SMG6: variants seen among roughly 807,000 people sequenced by gnomAD.
SMG6 encodes the protein telomerase-binding protein EST1A.
In SMG6, 66 loss-of-function variants were observed where a neutral mutation model predicts 142.2. That is an observed-to-expected ratio of 0.46 (90% confidence interval 0.38 to 0.57). The LOEUF (loss-of-function observed/expected upper bound fraction) is 0.57, where lower values mean the gene tolerates loss of function less well. SMG6 is among the 20% of genes least tolerant of loss of function. The pLI is 0.00. For missense variants in SMG6, 1,793 were observed against 1,832.0 expected (o/e 0.98, Z 0.39); for synonymous variants, 779 against 702.4 (o/e 1.11, Z -1.72).
At chr17:2,288,541 G>A (rs756475124) in intron 6 of SMG6, among the ~76,000 whole-genome samples, 7 of 151,132 alleles carry the variant, frequency 4.6e-5, no homozygotes, top group Non-Finnish European at 7.4e-5. Context: ...AGGATCACTT[G>A]AGCCTGGGAG....
In SMG6 at chr17:2,299,992, T is replaced by A. The variant is rs2075240089; in HGVS notation, c.761A>T (p.Tyr254Phe). The change falls in exon 2 of 19, where the codon TAC becomes TTC. Residue 254 changes from tyrosine to phenylalanine, a missense_variant. This residue lies in a region of SMG6 where 1,597 missense variants were observed against 1,584.6 expected (regional missense o/e 1.01). Transcript: ENST00000263073. The surrounding 1 kb of genome is among the most constrained non-coding windows in gnomAD (Gnocchi z 4.3). Reference protein sequence around the residue: ...YSRSDKRRNRYRTRSTSSAGS... With the variant: ...YSRSDKRRNRFRTRSTSSAGS... ...AGCTGAGCTGGTGCTGCGCGTGCGG[T>A]AGCGATTCCTTCGTTTGTCTGAGCG... The A allele has an allele frequency of 6.2e-7, 1 of 1,614,100 alleles. No homozygotes were observed.
intron 10 of SMG6, among the ~76,000 whole-genome samples, chr17:2,231,390 A>G (rs1225701174): frequency 6.6e-6 from 1 of 152,136 alleles, no homozygotes; most frequent in African/African-American, 2.4e-5. Context: ...ATTCAGGATT[A>G]CTAACACCAT....
At chr17:2,268,411 T>A (rs568666816) in intron 8 of SMG6, among the ~76,000 whole-genome samples, 70 of 152,262 alleles carry the variant, frequency 4.6e-4, no homozygotes, top group African/African-American at 1.6e-3. Context: ...CACAGCAGCT[T>A]TCACAGCAGC....
At chr17:2,176,892 A>C (rs1291876154) in intron 12 of SMG6, among the ~76,000 whole-genome samples, 1 of 152,222 alleles carries the variant, frequency 6.6e-6, no homozygotes, top group Non-Finnish European at 1.5e-5. Flanking sequence ...AAAGGAAAAA[A>C]ATAAGAGTTA....
intron 8 of SMG6, among the ~76,000 whole-genome samples, chr17:2,246,827 T>C (rs1189554042): frequency 2.6e-5 from 4 of 152,168 alleles, no homozygotes; most frequent in Non-Finnish European, 5.9e-5. Context: ...GTGCCTGTAA[T>C]GCCAGCTACT....
At chr17:2,263,238 A>T (rs746592401) in intron 8 of SMG6, among the ~76,000 whole-genome samples, 2 of 152,206 alleles carry the variant, frequency 1.3e-5, no homozygotes, top group Non-Finnish European at 2.9e-5. Flanking sequence ...GAAGAAACCC[A>T]TTTTCTACTA....
chr17:2,064,747 CAT>C (rs1287725822), intron 18 of SMG6, among the ~76,000 whole-genome samples: 1 of 151,596 alleles, frequency 6.6e-6, no homozygotes, highest in East Asian at 1.9e-4. Context: ...TACAGTGAAT[CAT>C]AAAGACATTC....
intron 13 of SMG6, among the ~76,000 whole-genome samples, chr17:2,163,692 T>TC (rs2071247605): frequency 6.7e-6 from 1 of 148,978 alleles, no homozygotes; most frequent in Admixed American, 6.7e-5. Context: ...AATACTTCAT[T>TC]TTTTTTTTTT....
rs1356951283 is a variant in SMG6 at position 2,255,345 on chromosome 17, A to C, written c.2662-10626T>G. 3.7e-5 allele frequency among the ~76,000 whole-genome samples: 5 copies of C among 134,118 alleles called. No homozygotes were observed. The South Asian group carries it at 9.7e-4, about 26-fold the overall frequency. 88.0% of individuals were successfully genotyped at this position (134,118 alleles called of 152,430 possible). Reference sequence around the variant, plus strand: ...CGTGAACCCGGGAGGCGGAGCTTGCAGTGAGCCGAGATCGCGCCACTGCAC... The same window carrying C: ...CGTGAACCCGGGAGGCGGAGCTTGCCGTGAGCCGAGATCGCGCCACTGCAC... On this transcript the variant is annotated intron_variant, in intron 8 of 18. Transcript: ENST00000263073.
At chr17:2,287,663 G>A (rs1403462780) in intron 6 of SMG6, among the ~76,000 whole-genome samples, 1 of 151,848 alleles carries the variant, frequency 6.6e-6, no homozygotes, top group Non-Finnish European at 1.5e-5. Context: ...TCCATCAATG[G>A]GTGAACGTAC....
intron 6 of SMG6, among the ~76,000 whole-genome samples, chr17:2,291,685 C>T (rs1212097480): frequency 2.1e-5 from 2 of 94,852 alleles, no homozygotes; most frequent in African/African-American, 6.0e-5. Flanking sequence ...CCAGCCTGGG[C>T]AACAAAGCAA....
At chr17:2,266,087 C>T (rs2074417333) in intron 8 of SMG6, 1 of 985,360 alleles carries the variant, frequency 1.0e-6, no homozygotes, top group Non-Finnish European at 1.2e-6. Context: ...GGATCTAGTA[C>T]TTTCTGTTCA....
intron 10 of SMG6, among the ~76,000 whole-genome samples, chr17:2,196,220 G>A (rs2072320410): frequency 1.3e-5 from 2 of 152,260 alleles, no homozygotes; most frequent in Middle Eastern, 3.4e-3. Flanking sequence ...TCAGGAGTTC[G>A]AGACCAGCCT....
At position 2,085,652 on chromosome 17, in the gene SMG6, G is replaced by T; in HGVS notation, c.3534+73C>A. On this transcript the variant is annotated intron_variant, in intron 14 of 18. Transcript: ENST00000263073. The surrounding 1 kb of genome is among the most constrained non-coding windows in gnomAD (Gnocchi z 4.1). ...CTCTGTGCTCATAAATAAGCAGGAG[G>T]AAAAGCTGAAGCCACGAGCAGAATG... 6.9e-7 allele frequency: 1 copy of T among 1,446,556 alleles called. No homozygotes were observed. The highest frequency in any genetic ancestry group is 9.4e-7 in the Non-Finnish European group (1 of 1,058,496). The allele number at this position is 1,446,556 out of a possible 1,614,324, so 89.6% of individuals were successfully genotyped here. A position where few individuals can be genotyped will look rare whatever the true frequency, so the allele number is the denominator to read the frequency against.
In SMG6 at chr17:2,131,938, G is replaced by C. The variant is rs1369115935; in HGVS notation, c.3357+40720C>G. Among the ~76,000 whole-genome samples, 3 of 152,144 alleles carry C rather than the reference G, an allele frequency of 2.0e-5. No individual in the cohort carries two copies. In the East Asian group the frequency reaches 5.8e-4, roughly 29 times the overall value. On this transcript the variant is annotated intron_variant, in intron 13 of 18. Coordinates refer to ENST00000263073, the MANE Select transcript of SMG6 (RefSeq NM_017575.5). ...AATACAAAAATTAGCCAGGTGTGGT[G>C]GTGGGCACCTGTAATCCCAGCTACC...
chr17:2,206,650 G>C (rs2072690924), intron 10 of SMG6, among the ~76,000 whole-genome samples: 1 of 152,110 alleles, frequency 6.6e-6, no homozygotes, highest in African/African-American at 2.4e-5. Flanking sequence ...GGAGGCCAAG[G>C]CAGGCGGATT....
At chr17:2,086,012 G>A in intron 13 of SMG6, 111 bp from the exon 14 acceptor site, 2 of 1,107,534 alleles carry the variant, frequency 1.8e-6, no homozygotes, top group Non-Finnish European at 2.7e-6. Context: ...AAGCTACCAG[G>A]CAAGGGGGTC....
intron 6 of SMG6, among the ~76,000 whole-genome samples, chr17:2,287,547 T>C (rs1438613059): frequency 6.6e-6 from 1 of 152,160 alleles, no homozygotes; most frequent in Non-Finnish European, 1.5e-5. Flanking sequence ...TTTCTGGGTA[T>C]GTACCCAGAA....
At chr17:2,180,792 GA>G (rs1056433552) in intron 12 of SMG6, among the ~76,000 whole-genome samples, 14 of 152,358 alleles carry the variant, frequency 9.2e-5, no homozygotes, top group Non-Finnish European at 1.6e-4. Flanking sequence ...GGACCATTTG[GA>G]AGTGGGGTTT....
Sources: gnomAD v4.1 joint callset for allele counts (sites outside exome capture counted in the v4.1 genomes callset) on GRCh38, gnomAD v4.1.1 for gene constraint, gnomAD v4.1.1 regional missense constraint, Gnocchi (gnomAD v3.1) non-coding constraint, MANE v1.5 for transcripts, NCBI Gene and HGNC (gene_info 2026-07-23, HGNC 2026-07-21) for gene names.